RGS5: variants seen among roughly 807,000 people sequenced by gnomAD.
RGS5 encodes the protein regulator of G-protein signalling 5.
Under a neutral mutation model 18.9 loss-of-function variants are expected in RGS5, and 20 were observed. That is an observed-to-expected ratio of 1.06 (90% CI 0.74 to 1.54). The LOEUF (loss-of-function observed/expected upper bound fraction) is 1.54. RGS5 is among the 40% of genes most tolerant of loss of function. RGS5 has a pLI of 0.00. For missense variants in RGS5, 201 were observed against 211.8 expected (o/e 0.95, Z 0.32); for synonymous variants, 57 against 76.2 (o/e 0.75, Z 1.31).
chr1:163,297,359 C>T (rs1649446749), intron 2 of RGS5, among the ~76,000 whole-genome samples: 3 of 152,208 alleles, frequency 2.0e-5, no homozygotes, highest in African/African-American at 7.2e-5. Flanking sequence ...TAGCTGGACA[C>T]ACGAAGATTG....
intron 2 of RGS5, chr1:163,260,070 T>C (rs1648389223): frequency 6.6e-6 from 1 of 152,336 alleles, no homozygotes; most frequent in African/African-American, 2.4e-5. Context: ...ATAAATCATT[T>C]CCATTTCCAG....
chr1:163,204,193 G>C (rs1368986203), upstream of RGS5, among the ~76,000 whole-genome samples: 5 of 152,010 alleles, frequency 3.3e-5, no homozygotes, highest in African/African-American at 4.8e-5. Flanking sequence ...AAAAAGTATT[G>C]TTTTCTGAAA....
intron 2 of RGS5, among the ~76,000 whole-genome samples, chr1:163,263,073 C>G (rs757244533): frequency 1.3e-5 from 2 of 152,174 alleles, no homozygotes; most frequent in Non-Finnish European, 2.9e-5. Context: ...ACCTCAGGGA[C>G]TTCATTGCTT....
intron 2 of RGS5, among the ~76,000 whole-genome samples, chr1:163,243,764 TA>T (rs1371299466): frequency 1.5e-5 from 2 of 137,618 alleles, no homozygotes; most frequent in Non-Finnish European, 3.1e-5. Flanking sequence ...GAAATTAAAG[TA>T]ACATTAAAAA....
At chr1:163,224,673 T>C (rs1339540182) in intron 2 of RGS5, among the ~76,000 whole-genome samples, 2 of 152,170 alleles carry the variant, frequency 1.3e-5, no homozygotes, top group Non-Finnish European at 2.9e-5. Context: ...TGTATAAGAG[T>C]TCTCCTTTCT....
In RGS5 at chr1:163,197,872, A is replaced by T. The variant is rs1659627809; in HGVS notation, c.44+4920T>A. On this transcript the variant is annotated intron_variant, in intron 1 of 4. Coordinates refer to ENST00000313961, the MANE Select transcript of RGS5 (RefSeq NM_003617.4). ...GTCCTCAATTCATTCCAATTGAGCT[A>T]TCAGTTGTTCAAGCTAATTGCCAGT... is the stretch of plus-strand genomic sequence containing the variant. 7.2e-5 allele frequency among the ~76,000 whole-genome samples: 11 copies of T among 152,132 alleles called. 1 individual carries two copies. The highest frequency in any genetic ancestry group is 7.2e-4 in the Admixed American group (11 of 15,266).
chr1:163,195,040 A>T (rs976111142), intron 1 of RGS5, among the ~76,000 whole-genome samples: 1 of 152,164 alleles, frequency 6.6e-6, no homozygotes, highest in East Asian at 1.9e-4. Flanking sequence ...GGATTCCTTA[A>T]AGAACTAAAA....
chr1:163,288,488 C>T (rs1024432673), intron 2 of RGS5, among the ~76,000 whole-genome samples: 3 of 152,250 alleles, frequency 2.0e-5, no homozygotes, highest in African/African-American at 4.8e-5. Flanking sequence ...TGGACCTCTC[C>T]GAAGCATTTG....
chr1:163,180,686 GTTTTTTTTT>G lies in RGS5; in HGVS notation c.45-12327_45-12319del, dbSNP rs1026995196. ...CCCTTTGTAATAAAGCCCTTACCCT[GTTTTTTTTT>G]TTTTTTTTTTTTTTTTTGAGACGGA... On this transcript the variant is annotated intron_variant, in intron 1 of 4. Coordinates refer to ENST00000313961, the MANE Select transcript of RGS5 (RefSeq NM_003617.4). Among the ~76,000 whole-genome samples the G allele has an allele frequency of 5.1e-3, 315 of 61,980 alleles. 11 individuals carry two copies. The highest frequency in any genetic ancestry group is 0.019 in the African/African-American group (262 of 14,034). 40.7% of individuals were successfully genotyped at this position (61,980 alleles called of 152,430 possible). A position where few individuals can be genotyped will look rare whatever the true frequency, so the allele number is the denominator to read the frequency against.
Position 163,147,158 on chromosome 1 carries a change from T to C in RGS5, c.*184A>G. The C allele has an allele frequency of 2.1e-6, 1 of 470,316 alleles. No individual in the cohort carries two copies. Among genetic ancestry groups the C allele is most frequent in the Admixed American group, 4.2e-5 (1 of 23,926 alleles). The allele number at this position is 470,316 out of a possible 1,614,324, so 29.1% of individuals were successfully genotyped here. A position where few individuals can be genotyped will look rare whatever the true frequency, so the allele number is the denominator to read the frequency against. On this transcript the variant is annotated 3_prime_UTR_variant, in exon 5 of 5. Coordinates refer to ENST00000313961, the MANE Select transcript of RGS5 (RefSeq NM_003617.4). ...AAGAATTGAGTGGGGAAAGAAGGCC[T>C]TCGGACAGTAGATAAGTATCCAAAG... is the stretch of plus-strand genomic sequence containing the variant.
At chr1:163,288,789 A>G (rs756439064) in intron 2 of RGS5, among the ~76,000 whole-genome samples, 1 of 152,200 alleles carries the variant, frequency 6.6e-6, no homozygotes, top group Non-Finnish European at 1.5e-5. Flanking sequence ...GATGACACAC[A>G]GGTATCTCAA....
intron 2 of RGS5, among the ~76,000 whole-genome samples, chr1:163,285,162 T>C (rs1211731153): frequency 3.3e-5 from 5 of 152,164 alleles, no homozygotes; most frequent in Non-Finnish European, 4.4e-5. Flanking sequence ...GAATTACAAT[T>C]CAAGATGAGA....
chr1:163,181,966 A>G (rs534437786), intron 1 of RGS5, among the ~76,000 whole-genome samples: 8 of 152,216 alleles, frequency 5.3e-5, no homozygotes, highest in African/African-American at 1.9e-4. Context: ...AGAATTTCTA[A>G]CTCATAGATA....
Position 163,168,811 on chromosome 1 carries a change from C to T in RGS5, c.45-443G>A, listed in dbSNP as rs995563469. On this transcript the variant is annotated intron_variant, in intron 1 of 4. Transcript: ENST00000313961. The stretch of plus-strand genomic sequence containing the variant: ...GCATTGCCTACTAGTCTTCTGAGGG[C>T]TCTGGTCTTCACTATTGTTAGATAT... Among the ~76,000 whole-genome samples the T allele has an allele frequency of 9.2e-5, 14 of 152,166 alleles. No individual in the cohort carries two copies. The East Asian group carries it at 2.1e-3, about 23-fold the overall frequency.
At position 163,146,105 on chromosome 1, in the gene RGS5, C is replaced by A. The variant is rs571483980; in HGVS notation, c.*1237G>T. 8.5e-4 allele frequency: 130 copies of A among 152,152 alleles called. 2 individuals carry two copies. Among genetic ancestry groups the A allele is most frequent in the African/African-American group, 3.0e-3 (125 of 41,508 alleles). 9.4% of individuals were successfully genotyped at this position (152,152 alleles called of 1,614,324 possible). A position where few individuals can be genotyped will look rare whatever the true frequency, so the allele number is the denominator to read the frequency against. ...TACAGAATTAAAAGTTTAAACCTACCAAAAGTCCTATGGCCTATTATTTAG... is the reference window on the plus strand; with the variant it reads ...TACAGAATTAAAAGTTTAAACCTACAAAAAGTCCTATGGCCTATTATTTAG... On this transcript the variant is annotated 3_prime_UTR_variant, in exon 5 of 5. Transcript: ENST00000313961.
At chr1:163,237,521 C>T (rs995666752) in intron 2 of RGS5, among the ~76,000 whole-genome samples, 1 of 151,960 alleles carries the variant, frequency 6.6e-6, no homozygotes, top group Admixed American at 6.6e-5. Flanking sequence ...TCCGTCTCTA[C>T]AAAAAATCCA....
chr1:163,206,648 A>T (rs971969735), upstream of RGS5: 2 of 152,164 alleles, frequency 1.3e-5, no homozygotes, highest in Non-Finnish European at 2.9e-5. Context: ...CCCTTATAAA[A>T]GGGCTTGAGG....
At chr1:163,206,572 T>A (rs561605000), upstream of RGS5, 6 of 152,280 alleles carry the variant, frequency 3.9e-5, no homozygotes, top group African/African-American at 1.4e-4. Context: ...GTGTTAATAT[T>A]AAGAGGTGGG....
chr1:163,286,762 T>C (rs1571341774), intron 2 of RGS5, among the ~76,000 whole-genome samples: 1 of 152,288 alleles, frequency 6.6e-6, no homozygotes, highest in East Asian at 1.9e-4. Context: ...ACTTCTTATT[T>C]TTAGCTCATA....
Sources: gnomAD v4.1 joint callset for allele counts (sites outside exome capture counted in the v4.1 genomes callset) on GRCh38, gnomAD v4.1.1 for gene constraint, MANE v1.5 for transcripts, NCBI Gene and HGNC (gene_info 2026-07-23, HGNC 2026-07-21) for gene names.